Variants in KIF16B observed in about 807,000 individuals in gnomAD.
KIF16B encodes the protein kinesin family member 16B, also known as kinesin-like protein KIF16B.
KIF16B carries 98 observed loss-of-function variants against 156.3 expected under a neutral mutation model. The ratio of observed to expected loss-of-function variants is 0.63; its 90% CI spans 0.53 to 0.74. The LOEUF is 0.74. KIF16B is among the 30% of genes least tolerant of loss of function. KIF16B has a pLI of 0.00. For synonymous variants in KIF16B, 564 were observed against 583.7 expected (o/e 0.97, Z 0.49); for missense variants, 1,421 against 1,606.5 (o/e 0.88, Z 1.97).
At chr20:16,280,230 T>C (rs144855714) in intron 25 of KIF16B, among the ~76,000 whole-genome samples, 1 of 152,350 alleles carries the variant, frequency 6.6e-6, no homozygotes, top group South Asian at 2.1e-4. Context: ...GAACTAACCA[T>C]GGATTTCATA....
At chr20:16,294,426 G>C (rs752570252) in intron 25 of KIF16B, among the ~76,000 whole-genome samples, 4 of 152,138 alleles carry the variant, frequency 2.6e-5, no homozygotes, top group Non-Finnish European at 4.4e-5. Context: ...CCAACAAAGG[G>C]GTGTTGCTGA....
rs1458589029 is a variant in KIF16B at position 16,511,537 on chromosome 20, T to C, written c.447-10A>G. 6.5e-7 allele frequency: 1 copy of C among 1,533,070 alleles called. No homozygotes were observed. The highest frequency in any genetic ancestry group is 9.0e-7 in the Non-Finnish European group (1 of 1,112,588). 95.0% of individuals were successfully genotyped at this position (1,533,070 alleles called of 1,614,324 possible). ...ATAAATTTCTAAGTAGCTAAAAATT[T>C]AAAATAAAATTGAATTCAGAAAAAT... On this transcript the variant is annotated splice_polypyrimidine_tract_variant and intron_variant, in intron 5 of 25. Transcript: ENST00000354981.
rs745682788 is a variant in KIF16B, at chr20:16,507,925, G to A, written c.699+33C>T. ...CTAATCAGCAAGTAAAGACCTCAGG[G>A]ATGGAGCCAGCTGGTCCCGCAGCAG... On this transcript the variant is annotated intron_variant, in intron 7 of 25. Coordinates refer to ENST00000354981, the MANE Select transcript of KIF16B (RefSeq NM_024704.5). The A allele has an allele frequency of 1.1e-5, 17 of 1,612,920 alleles. 1 individual carries two copies. In the South Asian group the frequency reaches 1.8e-4, roughly 17 times the overall value.
At chr20:16,361,681 T>C (rs2064555457) in intron 22 of KIF16B, among the ~76,000 whole-genome samples, 1 of 152,228 alleles carries the variant, frequency 6.6e-6, no homozygotes, top group African/African-American at 2.4e-5. Flanking sequence ...TTTTGATATA[T>C]ATCCTGAGGG....
chr20:16,424,531 C>T (rs1048154926), intron 15 of KIF16B, among the ~76,000 whole-genome samples: 1 of 152,116 alleles, frequency 6.6e-6, no homozygotes, highest in Non-Finnish European at 1.5e-5. Flanking sequence ...AGTGTGCAAC[C>T]ATTAAAAACT....
At chr20:16,494,492 T>G (rs1426131174) in intron 11 of KIF16B, 142 bp from the exon 12 acceptor site, 2 of 568,758 alleles carry the variant, frequency 3.5e-6, no homozygotes, top group Admixed American at 7.5e-5. Context: ...GAAAGAACCA[T>G]CACCAAAGAT....
chr20:16,451,215 T>C (rs1050029110), intron 12 of KIF16B, among the ~76,000 whole-genome samples: 5 of 152,210 alleles, frequency 3.3e-5, no homozygotes, highest in Non-Finnish European at 7.3e-5. Flanking sequence ...AAAACATTTC[T>C]ATAATTGTAA....
intron 25 of KIF16B, among the ~76,000 whole-genome samples, chr20:16,278,528 C>T (rs1265608802): frequency 2.0e-5 from 3 of 152,054 alleles, no homozygotes; most frequent in African/African-American, 4.8e-5. Flanking sequence ...TCATGAATTG[C>T]CTTTCTTCTA....
chr20:16,505,701 A>G (rs1407715231), intron 9 of KIF16B, 21 bp downstream of exon 9: 3 of 1,605,832 alleles, frequency 1.9e-6, no homozygotes, highest in Non-Finnish European at 2.6e-6. Context: ...TATGCTCAGA[A>G]AAGTAACTTA....
chr20:16,433,984 A>G (rs187339174), intron 12 of KIF16B, among the ~76,000 whole-genome samples: 50 of 152,318 alleles, frequency 3.3e-4, no homozygotes, highest in African/African-American at 1.2e-3. Context: ...CAGGGTCCCA[A>G]AGAAATCAAT....
chr20:16,416,725 T>TAA (rs61071475), intron 15 of KIF16B, among the ~76,000 whole-genome samples: 51 of 144,890 alleles, frequency 3.5e-4, no homozygotes, highest in African/African-American at 8.8e-4. Context: ...CCCAGAACTT[T>TAA]AAAAAAAAAA....
chr20:16,411,759 AG>A (rs1367985910), intron 15 of KIF16B, among the ~76,000 whole-genome samples: 1 of 141,906 alleles, frequency 7.0e-6, no homozygotes, highest in Admixed American at 6.8e-5. Flanking sequence ...GAAGGGGACT[AG>A]GGGGGCCTCT....
chr20:16,556,258 G>C (rs549465932), intron 1 of KIF16B, among the ~76,000 whole-genome samples: 1 of 152,108 alleles, frequency 6.6e-6, no homozygotes, highest in South Asian at 2.1e-4. Context: ...CAAAGAAACA[G>C]CACAACCAGG....
At chr20:16,358,567 T>C (rs2064490716) in intron 22 of KIF16B, among the ~76,000 whole-genome samples, 2 of 152,116 alleles carry the variant, frequency 1.3e-5, no homozygotes, top group African/African-American at 4.8e-5. Context: ...AGTTCCCCTA[T>C]GGAAATGGGC....
At chr20:16,390,679 C>A (rs1016712306) in intron 17 of KIF16B, among the ~76,000 whole-genome samples, 3 of 152,128 alleles carry the variant, frequency 2.0e-5, no homozygotes, top group African/African-American at 7.2e-5. Flanking sequence ...ACTTTTTATA[C>A]CAGAAGGAGC....
At chr20:16,320,150 A>T (rs1422069602) in intron 24 of KIF16B, among the ~76,000 whole-genome samples, 1 of 152,180 alleles carries the variant, frequency 6.6e-6, no homozygotes, top group Non-Finnish European at 1.5e-5. Context: ...ACAATGGAAG[A>T]CAAAAACAAG....
At chr20:16,336,722 A>G (rs559900010) in intron 23 of KIF16B, among the ~76,000 whole-genome samples, 2 of 152,296 alleles carry the variant, frequency 1.3e-5, no homozygotes, top group Admixed American at 1.3e-4. Flanking sequence ...ATTTCAAAGC[A>G]TTCTACCACC....
At chr20:16,392,592 C>T (rs1043051732) in intron 17 of KIF16B, among the ~76,000 whole-genome samples, 8 of 152,190 alleles carry the variant, frequency 5.3e-5, no homozygotes, top group African/African-American at 1.9e-4. Flanking sequence ...CCTCTGAGAT[C>T]GCACATGTGA....
chr20:16,468,027 T>C (rs2067544876), intron 12 of KIF16B, among the ~76,000 whole-genome samples: 1 of 152,124 alleles, frequency 6.6e-6, no homozygotes, highest in South Asian at 2.1e-4. Context: ...CCAACTATAT[T>C]AGTAATCACT....
Sources: gnomAD v4.1 joint callset for allele counts (sites outside exome capture counted in the v4.1 genomes callset) on GRCh38, gnomAD v4.1.1 for gene constraint, MANE v1.5 for transcripts, NCBI Gene and HGNC (gene_info 2026-07-23, HGNC 2026-07-21) for gene names.